The following C4orf51 variants were observed in gnomAD, a reference collection of about 807,000 sequenced individuals.
The protein encoded by C4orf51 is chromosome 4 open reading frame 51.
Under a neutral mutation model 25.2 loss-of-function variants are expected in C4orf51, and 25 were observed. The observed-to-expected ratio is 0.99, with a 90% CI of 0.72 to 1.39. C4orf51 has a LOEUF of 1.39. Among genes scored for constraint, C4orf51 ranks in the 40% most tolerant of loss-of-function variants. The pLI is 0.00. For synonymous variants in C4orf51, 100 were observed against 84.5 expected (o/e 1.18, Z -1.01); for missense variants, 252 against 239.6 (o/e 1.05, Z -0.34).
intron 1 of C4orf51, among the ~76,000 whole-genome samples, chr4:145,750,153 G>C (rs1338328528): frequency 6.6e-6 from 1 of 152,010 alleles, no homozygotes; most frequent in Admixed American, 6.6e-5. Context: ...TATGAGAATA[G>C]TTTACATATC....
At chr4:145,728,740 G>T (rs547291200) in intron 3 of C4orf51, among the ~76,000 whole-genome samples, 1 of 152,110 alleles carries the variant, frequency 6.6e-6, no homozygotes, top group Non-Finnish European at 1.5e-5. Context: ...TGCAAACACT[G>T]ATTCATGAAT....
At chr4:145,692,670 A>G (rs1472105795) in intron 1 of C4orf51, among the ~76,000 whole-genome samples, 1 of 152,196 alleles carries the variant, frequency 6.6e-6, no homozygotes, top group Admixed American at 6.5e-5. Context: ...CGTTAGGCTG[A>G]TATCAATTCC....
At chr4:145,756,828 C>A (rs1733983101), downstream of C4orf51, among the ~76,000 whole-genome samples, 2 of 152,104 alleles carry the variant, frequency 1.3e-5, no homozygotes, top group South Asian at 4.1e-4. Flanking sequence ...TAGTGACTGG[C>A]CATTTTCAAA....
At chr4:145,777,367 G>T in the C4orf51 span, among the ~76,000 whole-genome samples, 2 of 152,116 alleles carry the variant, frequency 1.3e-5, no homozygotes, top group African/African-American at 4.8e-5. Flanking sequence ...AATAACATTG[G>T]AATTTCCTCT....
intron 2 of C4orf51, among the ~76,000 whole-genome samples, chr4:145,702,522 C>G (rs1730523696): frequency 6.6e-6 from 1 of 152,168 alleles, no homozygotes; most frequent in Non-Finnish European, 1.5e-5. Flanking sequence ...TAGTCATACT[C>G]CTATTCACCG....
chr4:145,684,216 C>T (rs1036026321), intron 1 of C4orf51, among the ~76,000 whole-genome samples: 4 of 152,096 alleles, frequency 2.6e-5, no homozygotes, highest in Admixed American at 2.6e-4. Flanking sequence ...GGCACGGTGG[C>T]TCACACCTGT....
chr4:145,772,600 C>T (rs150763528), downstream of C4orf51, among the ~76,000 whole-genome samples: 57 of 152,242 alleles, frequency 3.7e-4, no homozygotes, highest in East Asian at 9.3e-3. Context: ...TTTCAACAGC[C>T]GAGTTGAGTA....
chr4:145,764,230 C>A (rs899621310), intron 1 of C4orf51, among the ~76,000 whole-genome samples: 2 of 152,194 alleles, frequency 1.3e-5, no homozygotes, highest in Non-Finnish European at 2.9e-5. Context: ...CTTTACCAGA[C>A]CCTAAGTGCC....
At chr4:145,713,943 T>A (rs1212452539) in intron 2 of C4orf51, among the ~76,000 whole-genome samples, 1 of 152,042 alleles carries the variant, frequency 6.6e-6, no homozygotes, top group African/African-American at 2.4e-5. Flanking sequence ...CCACCATGCC[T>A]GGCCAATTTT....
chr4:145,760,725 T>G (rs1734358351), intron 1 of C4orf51: 4 of 1,008,462 alleles, frequency 4.0e-6, no homozygotes, highest in East Asian at 8.8e-5. Flanking sequence ...TTGTGGTTTT[T>G]TTTTTTTTTT....
chr4:145,753,732 G>A (rs1733803312), intron 1 of C4orf51, among the ~76,000 whole-genome samples: 1 of 152,066 alleles, frequency 6.6e-6, no homozygotes, highest in Non-Finnish European at 1.5e-5. Context: ...GCAGAGGCCT[G>A]GGTGGTAACT....
At chr4:145,736,166 A>G (rs907920252), downstream of C4orf51, among the ~76,000 whole-genome samples, 2 of 151,954 alleles carry the variant, frequency 1.3e-5, no homozygotes, top group African/African-American at 4.8e-5. Context: ...GGATTTGACA[A>G]ACTGGGAGGC....
intron 1 of C4orf51, among the ~76,000 whole-genome samples, chr4:145,693,610 C>T (rs1325050141): frequency 4.2e-5 from 6 of 142,916 alleles, no homozygotes; most frequent in Admixed American, 7.0e-5. Context: ...TAGGGGCGGC[C>T]GGGCAGAGGC....
At chr4:145,770,812 A>C (rs1200531115) in intron 1 of C4orf51, among the ~76,000 whole-genome samples, 1 of 152,204 alleles carries the variant, frequency 6.6e-6, no homozygotes, top group Non-Finnish European at 1.5e-5. Context: ...CCCATGAATA[A>C]ATTCCCAGAG....
downstream of C4orf51, chr4:145,775,966 G>A (rs1215500942): frequency 1.2e-6 from 2 of 1,614,102 alleles, no homozygotes; most frequent in Non-Finnish European, 1.7e-6. Flanking sequence ...TTCCTCTGGG[G>A]GAGAAGGAAC....
downstream of C4orf51, chr4:145,775,800 A>G: frequency 6.2e-7 from 1 of 1,614,172 alleles, no homozygotes; most frequent in Non-Finnish European, 8.5e-7. Context: ...TGTAATAATA[A>G]GGATGTTTCT....
intron 1 of C4orf51, among the ~76,000 whole-genome samples, chr4:145,689,045 C>A (rs1437705507): frequency 6.6e-6 from 1 of 152,094 alleles, no homozygotes; most frequent in African/African-American, 2.4e-5. Flanking sequence ...CAGACCCATG[C>A]ATATACAAGT....
chr4:145,737,556 T>G (rs1408646851), downstream of C4orf51, among the ~76,000 whole-genome samples: 1 of 151,968 alleles, frequency 6.6e-6, no homozygotes, highest in Non-Finnish European at 1.5e-5. Context: ...TTGCTTTTCC[T>G]CCCTTCTCCA....
chr4:145,761,653 G>C lies in C4orf51; in HGVS notation n.167-9335G>C. On this transcript the variant is annotated intron_variant and non_coding_transcript_variant, in intron 1 of 1. Coordinates refer to the C4orf51 transcript ENST00000510096. The surrounding 1 kb of genome is among the most constrained non-coding windows in gnomAD (Gnocchi z 6.8). Reference sequence around the variant, plus strand: ...CAGCCGGGAAGGTTCGGAGGCAGCCGCGCTTCTCGCCGCCTCACCAGCCTT... The same window carrying C: ...CAGCCGGGAAGGTTCGGAGGCAGCCCCGCTTCTCGCCGCCTCACCAGCCTT... The C allele has an allele frequency of 9.2e-7, 1 of 1,091,032 alleles. No homozygotes were observed. Among genetic ancestry groups the C allele is most frequent in the African/African-American group, 1.6e-5 (1 of 61,686 alleles). The allele number at this position is 1,091,032 out of a possible 1,614,324, so 67.6% of individuals were successfully genotyped here.
Sources: allele counts gnomAD v4.1 joint callset (sites outside exome capture counted in the v4.1 genomes callset), GRCh38; gene constraint gnomAD v4.1.1; non-coding constraint Gnocchi (gnomAD v3.1); transcripts MANE v1.5; gene names NCBI Gene and HGNC (gene_info 2026-07-23, HGNC 2026-07-21).